Variants in ZNF804B observed in about 807,000 individuals in gnomAD.
ZNF804B encodes zinc finger 804B.
Under a neutral mutation model 101.4 loss-of-function variants are expected in ZNF804B, and 80 were observed. That is an observed-to-expected ratio of 0.79 (90% CI 0.66 to 0.95). ZNF804B has a LOEUF of 0.95. Ranked by LOEUF, ZNF804B falls within the 40% of genes least tolerant of loss-of-function variation. The pLI, the probability that ZNF804B is intolerant of heterozygous loss-of-function variation, is 0.00. For missense variants in ZNF804B, 1,673 were observed against 1,561.9 expected, an observed-to-expected ratio of 1.07 and a Z score of -1.20; for synonymous variants, 622 against 558.8, an observed-to-expected ratio of 1.11 and a Z score of -1.59.
At chr7:88,833,528 T>G (rs1426595243) in intron 1 of ZNF804B, among the ~76,000 whole-genome samples, 1 of 145,436 alleles carries the variant, frequency 6.9e-6, no homozygotes, top group Non-Finnish European at 1.5e-5. Flanking sequence ...CTCAATAAAT[T>G]TTAGGACCAG....
chr7:89,243,227 TAAATG>T (rs1342944471), intron 2 of ZNF804B, among the ~76,000 whole-genome samples: 2 of 151,700 alleles, frequency 1.3e-5, no homozygotes, highest in East Asian at 3.9e-4. Context: ...AACTAAAACA[TAAATG>T]AAATCAGGCA....
At chr7:89,171,366 TCC>T (rs1355024452) in intron 1 of ZNF804B, among the ~76,000 whole-genome samples, 1 of 118,584 alleles carries the variant, frequency 8.4e-6, no homozygotes, top group African/African-American at 3.3e-5. Context: ...TTCCTCCTCT[TCC>T]TCTTCTTCCT....
At chr7:88,823,596 G>A (rs1441225196) in intron 1 of ZNF804B, among the ~76,000 whole-genome samples, 2 of 152,026 alleles carry the variant, frequency 1.3e-5, no homozygotes, top group African/African-American at 2.4e-5. Flanking sequence ...CGGCAGGTAC[G>A]AGATTTCAGT....
At chr7:89,165,538 C>T (rs1191075691) in intron 1 of ZNF804B, among the ~76,000 whole-genome samples, 1 of 152,046 alleles carries the variant, frequency 6.6e-6, no homozygotes, top group African/African-American at 2.4e-5. Context: ...TTTTGGAAGG[C>T]AGAATCCCTT....
chr7:89,336,793 G>A lies in ZNF804B; in HGVS notation c.3811G>A (p.Val1271Ile), dbSNP rs1791101345. 6.2e-7 allele frequency: 1 copy of A among 1,613,810 alleles called. No individual in the cohort carries two copies. Among genetic ancestry groups the A allele is most frequent in the African/African-American group, 1.3e-5 (1 of 74,882 alleles). ...CTTAGCAGGTCATCCCCTGCATTTA[G>A]TAGCTGCTACCCCCTTCCACCCATC... ...TFLAGHPLHL[V>I]AATPFHPSHI... is the part of the protein sequence containing the mutation. The change falls in exon 4 of 4, where the codon GTA (valine) becomes ATA (isoleucine). Residue 1271 changes from valine to isoleucine, a missense_variant. Val to Ile is a conservative substitution (Grantham distance 29). Coordinates refer to ENST00000333190, the MANE Select transcript of ZNF804B (RefSeq NM_181646.5).
chr7:89,095,256 A>G (rs1483065120), intron 1 of ZNF804B, among the ~76,000 whole-genome samples: 1 of 152,102 alleles, frequency 6.6e-6, no homozygotes, highest in Non-Finnish European at 1.5e-5. Flanking sequence ...TTCCCTCTGG[A>G]GGATGCGGTC....
At chr7:89,091,657 A>G (rs983872053) in intron 1 of ZNF804B, among the ~76,000 whole-genome samples, 15 of 152,214 alleles carry the variant, frequency 9.9e-5, no homozygotes, top group Non-Finnish European at 7.4e-5. Flanking sequence ...AAAGAGCACA[A>G]ATAAAACATA....
intron 1 of ZNF804B, among the ~76,000 whole-genome samples, chr7:88,818,485 G>A (rs1258276666): frequency 6.6e-6 from 1 of 152,014 alleles, no homozygotes; most frequent in East Asian, 1.9e-4. Context: ...TAATAAAAAT[G>A]TCCCACCTAC....
chr7:89,236,860 T>C (rs548027274), intron 2 of ZNF804B, among the ~76,000 whole-genome samples: 59 of 152,250 alleles, frequency 3.9e-4, no homozygotes, highest in Admixed American at 2.8e-3. Context: ...TAGACTATTG[T>C]TTTCTAATTA....
At chr7:88,825,715 C>T (rs1202404190) in intron 1 of ZNF804B, among the ~76,000 whole-genome samples, 1 of 152,114 alleles carries the variant, frequency 6.6e-6, no homozygotes, top group African/African-American at 2.4e-5. Context: ...TCACATCTTT[C>T]CCAGCACTTT....
chr7:89,135,041 G>A (rs1430670602), intron 1 of ZNF804B, among the ~76,000 whole-genome samples: 1 of 152,004 alleles, frequency 6.6e-6, no homozygotes, highest in Admixed American at 6.6e-5. Flanking sequence ...GTTCTACATA[G>A]GCACTAGTTT....
At chr7:89,229,926 C>T (rs1470829081) in intron 2 of ZNF804B, among the ~76,000 whole-genome samples, 1 of 152,006 alleles carries the variant, frequency 6.6e-6, no homozygotes, top group Non-Finnish European at 1.5e-5. Context: ...TCACAAAACC[C>T]TTGGAGATTA....
intron 1 of ZNF804B, among the ~76,000 whole-genome samples, chr7:88,995,941 C>A (rs532931649): frequency 6.6e-6 from 1 of 151,942 alleles, no homozygotes; most frequent in African/African-American, 2.4e-5. Flanking sequence ...GACCAATACT[C>A]AAAGCTGTGA....
intron 1 of ZNF804B, among the ~76,000 whole-genome samples, chr7:88,836,475 A>T (rs1278822649): frequency 6.6e-6 from 1 of 151,900 alleles, no homozygotes; most frequent in East Asian, 1.9e-4. Context: ...AGCAAGAACA[A>T]CAATAACATT....
At chr7:88,854,410 T>TCTTCCTTTCTTTCTTCCTTC (rs1554340140) in intron 1 of ZNF804B, among the ~76,000 whole-genome samples, 8 of 132,646 alleles carry the variant, frequency 6.0e-5, no homozygotes, top group South Asian at 2.4e-4. Context: ...TTTCTTTCTT[T>TCTTCCTTTCTTTCTTCCTTC]CTTCCTTTCT....
At chr7:89,014,163 C>A (rs183905021) in intron 1 of ZNF804B, among the ~76,000 whole-genome samples, 2 of 152,232 alleles carry the variant, frequency 1.3e-5, no homozygotes, top group Admixed American at 6.5e-5. Context: ...AGTTTACATT[C>A]CCACCCACAG....
chr7:88,798,727 A>G (rs1320437823), intron 1 of ZNF804B, among the ~76,000 whole-genome samples: 2 of 152,152 alleles, frequency 1.3e-5, no homozygotes, highest in African/African-American at 2.4e-5. Flanking sequence ...GCAACATGCA[A>G]TTCAGACAGT....
chr7:88,961,360 T>A (rs1584040637), intron 1 of ZNF804B, among the ~76,000 whole-genome samples: 1 of 151,314 alleles, frequency 6.6e-6, no homozygotes, highest in East Asian at 2.0e-4. Context: ...GGTTGTTTGC[T>A]GGTGTTCTCC....
intron 2 of ZNF804B, among the ~76,000 whole-genome samples, chr7:89,223,776 G>A (rs976876229): frequency 1.3e-5 from 2 of 151,678 alleles, no homozygotes; most frequent in Non-Finnish European, 3.0e-5. Context: ...CTTCAGTGAG[G>A]AAAAATAATG....
Sources: gnomAD v4.1 joint callset for allele counts (sites outside exome capture counted in the v4.1 genomes callset) on GRCh38, gnomAD v4.1.1 for gene constraint, MANE v1.5 for transcripts, NCBI Gene and HGNC (gene_info 2026-07-23, HGNC 2026-07-21) for gene names.